Variants in FAM151B observed in about 807,000 individuals in gnomAD.
FAM151B encodes family with sequence similarity 151 member B, also known as protein FAM151B.
A neutral mutation model predicts 31.2 loss-of-function variants in FAM151B; 24 were observed. That is an observed-to-expected ratio of 0.77 (90% CI 0.56 to 1.08). The LOEUF (loss-of-function observed/expected upper bound fraction) is 1.08. Among genes scored for constraint, FAM151B ranks in the 50% least tolerant of loss-of-function variants. The pLI is 0.00. For synonymous variants in FAM151B, 105 were observed against 111.4 expected, an observed-to-expected ratio of 0.94 and a Z score of 0.36; for missense variants, 293 against 328.6, an observed-to-expected ratio of 0.89 and a Z score of 0.84.
chr5:80,508,307 G>A (rs1419639748), intron 2 of FAM151B, among the ~76,000 whole-genome samples: 2 of 152,102 alleles, frequency 1.3e-5, no homozygotes, highest in Non-Finnish European at 2.9e-5. Flanking sequence ...GAATTCCTGG[G>A]TCACATGGTA....
At chr5:80,521,865 T>C in intron 4 of FAM151B, 138 bp from the exon 5 acceptor site, 2 of 555,880 alleles carry the variant, frequency 3.6e-6, no homozygotes, top group Non-Finnish European at 5.7e-6. Context: ...TTAATTGACT[T>C]AGAATCCAAA....
At chr5:80,527,927 A>T (rs968265604) in intron 5 of FAM151B, among the ~76,000 whole-genome samples, 2 of 152,234 alleles carry the variant, frequency 1.3e-5, no homozygotes, top group Non-Finnish European at 2.9e-5. Context: ...ACTCTTTAGC[A>T]ATAACACTTG....
At chr5:80,528,564 ATATACT>A (rs1745076867) in intron 5 of FAM151B, among the ~76,000 whole-genome samples, 1 of 152,094 alleles carries the variant, frequency 6.6e-6, no homozygotes, top group African/African-American at 2.4e-5. Flanking sequence ...GCAGGAGTAG[ATATACT>A]TATATGAGAC....
intron 1 of FAM151B, among the ~76,000 whole-genome samples, chr5:80,492,286 A>G (rs1376700012): frequency 6.6e-6 from 1 of 151,846 alleles, no homozygotes; most frequent in African/African-American, 2.4e-5. Context: ...CATTTTGGGA[A>G]TTCTTGCAAT....
Position 80,508,221 on chromosome 5 carries a change from G to A in FAM151B, c.152-5383G>A, listed in dbSNP as rs78231593. Among the ~76,000 whole-genome samples the A allele has an allele frequency of 5.6e-3, 846 of 152,206 alleles. 5 individuals are homozygous for A. The highest frequency in any genetic ancestry group is 0.013 in the African/African-American group (547 of 41,520). On this transcript the variant is annotated intron_variant, in intron 2 of 5. Transcript: ENST00000282226. ...TCCCTTTTTTGCTACTATGATTACT[G>A]CTGCTATGAGCATTCACATACAGGT...
At chr5:80,515,558 T>C (rs1284832840) in intron 3 of FAM151B, among the ~76,000 whole-genome samples, 2 of 152,202 alleles carry the variant, frequency 1.3e-5, no homozygotes, top group African/African-American at 4.8e-5. Flanking sequence ...GGACATATTC[T>C]TTGGCTTCTC....
At chr5:80,491,497 A>G (rs1743328937) in intron 1 of FAM151B, among the ~76,000 whole-genome samples, 1 of 152,196 alleles carries the variant, frequency 6.6e-6, no homozygotes, top group Non-Finnish European at 1.5e-5. Context: ...TGCTGGAGTT[A>G]CAGTTGTGAG....
chr5:80,533,749 C>CAAAAAAA (rs71601590), intron 5 of FAM151B, among the ~76,000 whole-genome samples: 79 of 67,476 alleles, frequency 1.2e-3, no homozygotes, highest in African/African-American at 3.0e-3. Context: ...GACTCCATCT[C>CAAAAAAA]AAAAAAAAAA....
At chr5:80,517,468 C>T (rs965724857) in intron 3 of FAM151B, among the ~76,000 whole-genome samples, 1 of 152,220 alleles carries the variant, frequency 6.6e-6, no homozygotes, top group East Asian at 1.9e-4. Flanking sequence ...TCCAGAAGAA[C>T]TTTAGAATTA....
At chr5:80,529,659 A>G (rs1745137959) in intron 5 of FAM151B, among the ~76,000 whole-genome samples, 2 of 152,208 alleles carry the variant, frequency 1.3e-5, no homozygotes, top group African/African-American at 4.8e-5. Context: ...AAATTCCTGG[A>G]CACATATACC....
At chr5:80,525,599 G>T (rs1006188384) in intron 5 of FAM151B, among the ~76,000 whole-genome samples, 1 of 152,082 alleles carries the variant, frequency 6.6e-6, no homozygotes, top group African/African-American at 2.4e-5. Context: ...CTTCTCCAAC[G>T]GTCATCTAGA....
intron 5 of FAM151B, among the ~76,000 whole-genome samples, chr5:80,533,952 G>C (rs373340): frequency 0.096 from 14,584 of 152,060 alleles, 969 homozygotes; most frequent in African/African-American, 0.18. Flanking sequence ...TGGAAATCCA[G>C]AGAATTATTA....
At position 80,497,063 on chromosome 5, in the gene FAM151B, G is replaced by A. The variant is rs189189631; in HGVS notation, c.26-4729G>A. Among the ~76,000 whole-genome samples, 11 of 151,820 alleles carry A rather than the reference G, an allele frequency of 7.2e-5. No homozygotes were observed. The South Asian group carries it at 1.9e-3, about 26-fold the overall frequency. On this transcript the variant is annotated intron_variant, in intron 1 of 5. Transcript: ENST00000282226. ...TGACCTCAGATGATCTGCCCACCTC[G>A]ACCTCCCAAAGTGCTGGGATTACAG...
At chr5:80,519,175 T>C (rs1171146357) in intron 3 of FAM151B, among the ~76,000 whole-genome samples, 1 of 152,204 alleles carries the variant, frequency 6.6e-6, no homozygotes, top group Non-Finnish European at 1.5e-5. Context: ...TACAGTCATT[T>C]TTAGAATTGT....
intron 5 of FAM151B, among the ~76,000 whole-genome samples, chr5:80,538,446 T>G (rs59620069): frequency 2.1e-5 from 1 of 48,486 alleles, no homozygotes; most frequent in South Asian, 8.0e-4. Flanking sequence ...CTTTCTTTCT[T>G]TCTCTTTCTT....
At chr5:80,506,860 A>G (rs1457884139) in intron 2 of FAM151B, among the ~76,000 whole-genome samples, 1 of 152,088 alleles carries the variant, frequency 6.6e-6, no homozygotes, top group Non-Finnish European at 1.5e-5. Flanking sequence ...TAATCTATCA[A>G]ATGCACTAGG....
At chr5:80,512,366 A>G (rs1744224861) in intron 2 of FAM151B, among the ~76,000 whole-genome samples, 1 of 152,200 alleles carries the variant, frequency 6.6e-6, no homozygotes. Flanking sequence ...GAACTGATTA[A>G]TATACCTGGG....
At chr5:80,500,402 T>C (rs1377189407) in intron 1 of FAM151B, 3 of 1,237,402 alleles carry the variant, frequency 2.4e-6, no homozygotes, top group Admixed American at 1.7e-5. Context: ...GCAAGGGAAT[T>C]TCGCAGAGCT....
At chr5:80,521,660 G>A (rs1744727133) in intron 4 of FAM151B, among the ~76,000 whole-genome samples, 2 of 152,140 alleles carry the variant, frequency 1.3e-5, no homozygotes, top group South Asian at 2.1e-4. Flanking sequence ...TAATGATGCA[G>A]GTGTACCTAA....
Sources: allele counts gnomAD v4.1 joint callset (sites outside exome capture counted in the v4.1 genomes callset), GRCh38; gene constraint gnomAD v4.1.1; transcripts MANE v1.5; gene names NCBI Gene and HGNC (gene_info 2026-07-23, HGNC 2026-07-21).